Variants in COBL observed in about 807,000 individuals in gnomAD.
COBL encodes the protein cordon-bleu WH2 repeat protein, also known as protein cordon-bleu.
COBL carries 51 observed loss-of-function variants against 98.8 expected under a neutral mutation model. The observed-to-expected ratio is 0.52, with a 90% confidence interval of 0.41 to 0.65. The LOEUF is 0.65. Ranked by LOEUF, COBL falls within the 30% of genes least tolerant of loss-of-function variation. The probability of loss-of-function intolerance (pLI) is 0.00; values close to 1 mark genes in which losing one functional copy is unlikely to be tolerated. For missense variants in COBL, 1,617 were observed against 1,617.5 expected (o/e 1.00, Z 0.01); for synonymous variants, 634 against 651.7 (o/e 0.97, Z 0.41).
At chr7:51,033,725 A>G (rs374404002) in intron 8 of COBL, 3 of 152,280 alleles carry the variant, frequency 2.0e-5, no homozygotes, top group Admixed American at 6.5e-5. Context: ...AAAATTTAAA[A>G]GGATAATTTT....
chr7:51,187,529 C>T (rs1228805634), intron 4 of COBL, among the ~76,000 whole-genome samples: 1 of 152,094 alleles, frequency 6.6e-6, no homozygotes, highest in Admixed American at 6.6e-5. Context: ...AATTCTGTAG[C>T]ATGCAGGATG....
At chr7:51,081,894 G>A (rs1793699556) in intron 7 of COBL, among the ~76,000 whole-genome samples, 1 of 151,880 alleles carries the variant, frequency 6.6e-6, no homozygotes, top group Admixed American at 6.6e-5. Flanking sequence ...TCCACGCCAC[G>A]GCTGCAGTCT....
chr7:51,215,730 C>T (rs1007178476), intron 2 of COBL, among the ~76,000 whole-genome samples: 3 of 152,240 alleles, frequency 2.0e-5, no homozygotes, highest in Admixed American at 2.0e-4. Flanking sequence ...GGGGCCAGGA[C>T]CTCACATCCA....
chr7:51,316,466 A>C, intron 1 of COBL, 127 bp downstream of exon 1: 1 of 646,488 alleles, frequency 1.5e-6, no homozygotes, highest in Non-Finnish European at 2.1e-6. Flanking sequence ...CACCTGCTCC[A>C]CCACTACCAC....
At chr7:51,066,525 G>C (rs1038143847) in intron 7 of COBL, among the ~76,000 whole-genome samples, 5 of 152,134 alleles carry the variant, frequency 3.3e-5, no homozygotes, top group African/African-American at 9.7e-5. Context: ...ACTTGCTTTT[G>C]GTTGCAGACA....
intron 6 of COBL, among the ~76,000 whole-genome samples, chr7:51,106,066 T>C (rs7808686): frequency 0.62 from 92,414 of 149,008 alleles, 28,773 homozygotes; most frequent in Middle Eastern, 0.74. Context: ...TTGTCGGGGG[T>C]GGTGGCACGC....
chr7:51,239,498 G>A (rs1795572983), intron 1 of COBL, among the ~76,000 whole-genome samples: 1 of 152,182 alleles, frequency 6.6e-6, no homozygotes. Context: ...TCCACACCTT[G>A]TTTAGCACAT....
intron 2 of COBL, among the ~76,000 whole-genome samples, chr7:51,208,416 C>A (rs1176070619): frequency 1.6e-5 from 2 of 121,532 alleles, no homozygotes; most frequent in Non-Finnish European, 3.7e-5. Context: ...CCCGGCCAGC[C>A]GCCCCGTCCG....
At chr7:51,184,062 T>C in intron 5 of COBL, 40 bp downstream of exon 5, 1 of 1,057,250 alleles carries the variant, frequency 9.5e-7, no homozygotes, top group Non-Finnish European at 1.4e-6. Context: ...GACTATTTTT[T>C]TTACATGATA....
At chr7:51,069,213 A>G (rs947050598) in intron 7 of COBL, among the ~76,000 whole-genome samples, 2 of 152,208 alleles carry the variant, frequency 1.3e-5, no homozygotes, top group African/African-American at 4.8e-5. Flanking sequence ...AGAAGGGCCA[A>G]GCGAAGGGCG....
At chr7:51,080,265 T>C (rs893474039) in intron 7 of COBL, among the ~76,000 whole-genome samples, 2 of 152,220 alleles carry the variant, frequency 1.3e-5, no homozygotes, top group African/African-American at 2.4e-5. Flanking sequence ...CACAAATCCA[T>C]TATCCATTAG....
intron 12 of COBL, among the ~76,000 whole-genome samples, chr7:51,024,190 T>A (rs1787252909): frequency 6.6e-6 from 1 of 151,858 alleles, no homozygotes; most frequent in Non-Finnish European, 1.5e-5. Flanking sequence ...GCGCCTGTAG[T>A]CCCAGCTACT....
intron 1 of COBL, among the ~76,000 whole-genome samples, chr7:51,313,323 C>T (rs1433185785): frequency 6.6e-6 from 1 of 152,176 alleles, no homozygotes; most frequent in African/African-American, 2.4e-5. Flanking sequence ...CCAAGAGTCA[C>T]AGGCCTTCTA....
chr7:51,291,519 G>A (rs1165460177), intron 1 of COBL, among the ~76,000 whole-genome samples: 1 of 152,046 alleles, frequency 6.6e-6, no homozygotes, highest in Non-Finnish European at 1.5e-5. Context: ...CTAACACTTT[G>A]GGAGGCTGAG....
chr7:51,265,791 G>A (rs906803008), intron 1 of COBL, among the ~76,000 whole-genome samples: 12 of 152,274 alleles, frequency 7.9e-5, no homozygotes, highest in Non-Finnish European at 1.3e-4. Flanking sequence ...AGTCCATGTG[G>A]ATCAACTGTC....
At chr7:51,199,359 T>C (rs536355244) in intron 2 of COBL, among the ~76,000 whole-genome samples, 23 of 152,316 alleles carry the variant, frequency 1.5e-4, no homozygotes, top group African/African-American at 5.3e-4. Context: ...CTGTAAAGAC[T>C]GGAGATGTCT....
chr7:51,167,691 T>C (rs1026638744), intron 5 of COBL, among the ~76,000 whole-genome samples: 1 of 152,146 alleles, frequency 6.6e-6, no homozygotes, highest in African/African-American at 2.4e-5. Flanking sequence ...TACAGAATTA[T>C]TATAACCAAA....
At chr7:51,231,989 A>G (rs1193319333) in intron 1 of COBL, among the ~76,000 whole-genome samples, 1 of 152,142 alleles carries the variant, frequency 6.6e-6, no homozygotes, top group African/African-American at 2.4e-5. Context: ...AGTGCAGTAG[A>G]GGGTGGGAAG....
At chr7:51,214,508 C>T (rs1179785871) in intron 2 of COBL, among the ~76,000 whole-genome samples, 1 of 152,118 alleles carries the variant, frequency 6.6e-6, no homozygotes, top group African/African-American at 2.4e-5. Context: ...ACCACAGTAA[C>T]TGTGACCTTT....
Sources: gnomAD v4.1 joint callset for allele counts (sites outside exome capture counted in the v4.1 genomes callset) on GRCh38, gnomAD v4.1.1 for gene constraint, MANE v1.5 for transcripts, NCBI Gene and HGNC (gene_info 2026-07-23, HGNC 2026-07-21) for gene names.